Variants in PHF10 observed in about 807,000 individuals in gnomAD.
PHF10 encodes the protein PHD finger protein 10.
PHF10 carries 51 observed loss-of-function variants against 68.5 expected under a neutral mutation model. The observed-to-expected ratio is 0.74, with a 90% confidence interval of 0.59 to 0.94. The LOEUF (loss-of-function observed/expected upper bound fraction) is 0.94, where lower values mean the gene tolerates loss of function less well. Among genes scored for constraint, PHF10 ranks in the 40% least tolerant of loss-of-function variants. The pLI, the probability that PHF10 is intolerant of heterozygous loss-of-function variation, is 0.00. For synonymous variants in PHF10, 204 were observed against 203.5 expected (o/e 1.00, Z -0.02); for missense variants, 460 against 602.6 (o/e 0.76, Z 2.48).
chr6:169,710,203 A>G (rs370388298), intron 9 of PHF10, 33 bp downstream of exon 9: 211 of 1,532,928 alleles, frequency 1.4e-4, no homozygotes, highest in Non-Finnish European at 1.8e-4. Context: ...GCTGGTCAGT[A>G]AAGAAGCTGA....
intron 7 of PHF10, among the ~76,000 whole-genome samples, chr6:169,713,467 G>A (rs906855912): frequency 3.3e-5 from 5 of 151,966 alleles, no homozygotes; most frequent in Non-Finnish European, 7.4e-5. Flanking sequence ...GGGCAAGGTG[G>A]CGGGCACCTG....
intron 9 of PHF10, chr6:169,709,038 TGA>T (rs1788869761): frequency 1.3e-5 from 2 of 152,076 alleles, no homozygotes; most frequent in African/African-American, 4.8e-5. Context: ...CAACCCTTGC[TGA>T]ATTAAGCTTA....
At chr6:169,722,090 T>C (rs1040248820) in intron 1 of PHF10, among the ~76,000 whole-genome samples, 1 of 152,184 alleles carries the variant, frequency 6.6e-6, no homozygotes, top group African/African-American at 2.4e-5. Flanking sequence ...CATGGCTAAT[T>C]CAATGATTAA....
At position 169,703,977 on chromosome 6, in the gene PHF10, A is replaced by G. The variant is rs764468699; in HGVS notation, c.*26T>C. 6.6e-7 allele frequency: 1 copy of G among 1,504,358 alleles called. No individual in the cohort carries two copies. Among genetic ancestry groups the G allele is most frequent in the Non-Finnish European group, 9.0e-7 (1 of 1,108,614 alleles). The allele number at this position is 1,504,358 out of a possible 1,614,324, so 93.2% of individuals were successfully genotyped here. On this transcript the variant is annotated 3_prime_UTR_variant, in exon 12 of 12. Coordinates refer to ENST00000339209, the MANE Select transcript of PHF10 (RefSeq NM_018288.4). ...CACCAAATATTCCACTTAAATGCAT[A>G]TACAGTATTAGAGTCAAAAACTATT...
intron 2 of PHF10, 28 bp downstream of exon 2, chr6:169,720,977 A>C (rs1354942810): frequency 8.0e-7 from 1 of 1,249,816 alleles, no homozygotes. Context: ...ATCACAAAAA[A>C]TATTAATAAC....
intron 11 of PHF10, 152 bp from the exon 12 acceptor site, chr6:169,704,240 A>C (rs938229945): frequency 1.8e-6 from 1 of 560,520 alleles, no homozygotes; most frequent in African/African-American, 2.0e-5. Context: ...TAATTTAAGG[A>C]AAAAATGTAA....
At chr6:169,715,651 T>G (rs1156827559) in intron 6 of PHF10, 57 bp downstream of exon 6, 38 of 1,414,294 alleles carry the variant, frequency 2.7e-5, no homozygotes, top group Non-Finnish European at 3.7e-5. Context: ...TGATGGGCAC[T>G]CTGCAATAAC....
At chr6:169,718,955 C>A in intron 2 of PHF10, 37 bp from the exon 3 acceptor site, 1 of 1,342,120 alleles carries the variant, frequency 7.5e-7, no homozygotes, top group Admixed American at 1.9e-5. Flanking sequence ...TTAAATGTAG[C>A]TTTCATTAAT....
chr6:169,723,825 C>A lies in PHF10; in HGVS notation c.87+20G>T. ...GCCCGGGACGGGGTCAGGGTCGGGT[C>A]GCACCGGCCGCTTCCTCACCTTCGG... On this transcript the variant is annotated intron_variant, in intron 1 of 11. Transcript: ENST00000339209. The A allele has an allele frequency of 1.1e-6, 1 of 933,660 alleles. No homozygotes were observed. Among genetic ancestry groups the A allele is most frequent in the South Asian group, 5.1e-5 (1 of 19,654 alleles). 57.8% of individuals were successfully genotyped at this position (933,660 alleles called of 1,614,324 possible).
At chr6:169,718,622 C>T (rs1158322016) in intron 3 of PHF10, among the ~76,000 whole-genome samples, 166 bp downstream of exon 3, 5 of 152,142 alleles carry the variant, frequency 3.3e-5, no homozygotes, top group African/African-American at 7.2e-5. Context: ...GAGCTATAAT[C>T]GCACCAGTGC....
intron 11 of PHF10, chr6:169,704,295 A>C (rs1788693481): frequency 3.9e-6 from 2 of 510,240 alleles, no homozygotes; most frequent in Non-Finnish European, 6.9e-6. Flanking sequence ...ATTGCAAGTC[A>C]AGGGGGATGG....
chr6:169,704,192 C>T, intron 11 of PHF10, 104 bp from the exon 12 acceptor site: 1 of 802,684 alleles, frequency 1.2e-6, no homozygotes, highest in Admixed American at 3.7e-5. Flanking sequence ...TGATATTCCT[C>T]TCTGGATTTT....
chr6:169,719,917 A>T (rs1300125703), intron 2 of PHF10, among the ~76,000 whole-genome samples: 1 of 151,996 alleles, frequency 6.6e-6, no homozygotes, highest in African/African-American at 2.4e-5. Context: ...AATATGTGTA[A>T]ATCATATTTT....
At chr6:169,712,275 G>A (rs1788940998) in intron 8 of PHF10, 111 bp downstream of exon 8, 1 of 954,504 alleles carries the variant, frequency 1.0e-6, no homozygotes, top group African/African-American at 1.7e-5. Context: ...AATACTTTCT[G>A]GAAATTACAT....
At position 169,717,910 on chromosome 6, in the gene PHF10, C is replaced by CA. The variant is rs747509718; in HGVS notation, c.326-5dup. ...GACAAATCTCGTCGCTCTAAATCTC[C>CA]AAAAAAAAGATCAAAAGACTATTAA... On this transcript the variant is annotated splice_region_variant and splice_polypyrimidine_tract_variant and intron_variant, in intron 3 of 11. Coordinates refer to ENST00000339209, the MANE Select transcript of PHF10 (RefSeq NM_018288.4). 365 of 1,455,280 alleles carry CA rather than the reference C, an allele frequency of 2.5e-4. No individual in the cohort carries two copies. Among genetic ancestry groups the CA allele is most frequent in the South Asian group, 4.0e-4 (31 of 78,122 alleles). 90.1% of individuals were successfully genotyped at this position (1,455,280 alleles called of 1,614,324 possible). A position where few individuals can be genotyped will look rare whatever the true frequency, so the allele number is the denominator to read the frequency against.
rs764678354 is a variant in PHF10 at position 169,714,759 on chromosome 6, G to A, written c.777C>T (p.Pro259=). The change falls in exon 7 of 12, where the codon CCC becomes CCT. Residue 259 remains proline, a synonymous_variant. Transcript: ENST00000339209. ...KVSSYPVALI[P]GQFQEYYKRY... is the part of the protein sequence containing the mutation. The stretch of plus-strand genomic sequence containing the variant: ...TCTTATAATATTCCTGGAACTGTCC[G>A]GGGATGAGAGCCACTGGGTAAGAAC... 1.2e-5 allele frequency: 19 copies of A among 1,583,478 alleles called. No individual in the cohort carries two copies. Among genetic ancestry groups the A allele is most frequent in the Admixed American group, 1.7e-5 (1 of 59,954 alleles).
chr6:169,723,528 C>G (rs1038983778), intron 1 of PHF10, among the ~76,000 whole-genome samples: 2 of 152,228 alleles, frequency 1.3e-5, no homozygotes, highest in African/African-American at 4.8e-5. Flanking sequence ...GAGGCCAACT[C>G]TCTCGGCCCC....
At chr6:169,707,875 C>T (rs1339067029) in intron 9 of PHF10, 1 of 152,166 alleles carries the variant, frequency 6.6e-6, no homozygotes. Context: ...GCATTTTCTA[C>T]GATGAATGCT....
chr6:169,712,398 A>G lies in PHF10; in HGVS notation c.945T>C (p.Asn315=), dbSNP rs1486157064. 1 of 1,613,926 alleles carries G rather than the reference A, an allele frequency of 6.2e-7. No homozygotes were observed. ...EDGRGDEKRK[N]KGTSDSSSGN... is the part of the protein sequence containing the mutation. ...GAAATGTTCTCACCGAAGTGCCTTT[A>G]TTTTTCCGTTTCTCATCACCTCGAC... Residue 315 remains asparagine (N), a synonymous_variant, in exon 8 of 12, where the codon AAT becomes AAC. Transcript: ENST00000339209.
Sources: allele counts gnomAD v4.1 joint callset (sites outside exome capture counted in the v4.1 genomes callset), GRCh38; gene constraint gnomAD v4.1.1; transcripts MANE v1.5; gene names NCBI Gene and HGNC (gene_info 2026-07-23, HGNC 2026-07-21).